The following BOC variants were observed in gnomAD, a reference collection of about 807,000 sequenced individuals.
BOC encodes BOC cell adhesion associated, oncogene regulated, also known as brother of CDO.
A neutral mutation model predicts 112.0 loss-of-function variants in BOC; 76 were observed. The ratio of observed to expected loss-of-function variants is 0.68; its 90% CI spans 0.56 to 0.82. The LOEUF (loss-of-function observed/expected upper bound fraction) is 0.82, where lower values mean the gene tolerates loss of function less well. Ranked by LOEUF, BOC falls within the 40% of genes least tolerant of loss-of-function variation. The pLI is 0.00. For missense variants in BOC, 1,309 were observed against 1,511.7 expected, an observed-to-expected ratio of 0.87 and a Z score of 2.22; for synonymous variants, 580 against 599.8, an observed-to-expected ratio of 0.97 and a Z score of 0.48.
At chr3:113,273,455 T>A in intron 8 of BOC, 114 bp downstream of exon 8, 1 of 1,197,274 alleles carries the variant, frequency 8.4e-7, no homozygotes, top group South Asian at 2.0e-5. Context: ...AGCTTTTAGT[T>A]GTAAGCTCAA....
At chr3:113,280,791 C>T in intron 14 of BOC, 128 bp downstream of exon 14, 8 of 884,142 alleles carry the variant, frequency 9.0e-6, no homozygotes, top group Middle Eastern at 2.2e-4. Context: ...GCTCTAAGCT[C>T]CGTGTCATTG....
chr3:113,244,142 A>G (rs967760163), intron 2 of BOC, among the ~76,000 whole-genome samples: 2 of 152,218 alleles, frequency 1.3e-5, no homozygotes, highest in Non-Finnish European at 2.9e-5. Flanking sequence ...ACTGCAGAGG[A>G]GGCTAGGAAA....
At chr3:113,250,901 C>T in intron 4 of BOC, 68 bp downstream of exon 4, 1 of 1,573,136 alleles carries the variant, frequency 6.4e-7, no homozygotes, top group Non-Finnish European at 8.6e-7. Flanking sequence ...CTGAAGCCCC[C>T]ACCATTCATG....
chr3:113,283,337 AT>A (rs5851891), intron 15 of BOC, 73 bp from the exon 16 acceptor site: 174 of 1,396,242 alleles, frequency 1.2e-4, no homozygotes, highest in East Asian at 2.3e-4. Context: ...GAATGGGGGT[AT>A]TTTTTTTTCT....
intron 2 of BOC, among the ~76,000 whole-genome samples, chr3:113,221,897 C>T (rs537229928): frequency 5.9e-5 from 9 of 152,338 alleles, no homozygotes; most frequent in African/African-American, 2.2e-4. Context: ...CCTACTCCCA[C>T]AGCCATGTTA....
intron 2 of BOC, among the ~76,000 whole-genome samples, chr3:113,242,516 T>A (rs917080797): frequency 3.3e-5 from 5 of 151,980 alleles, no homozygotes; most frequent in Admixed American, 3.3e-4. Flanking sequence ...AGAGGTGGCT[T>A]CTCCTCGGAG....
In BOC at chr3:113,278,840, C is replaced by A. The variant is rs1948914567; in HGVS notation, c.1816+57C>A. ...GTCAGGACTGGAACTGCCTCAGAGG[C>A]CTGTTCCCATGGCTGAATGGGGTCT... On this transcript the variant is annotated intron_variant, in intron 11 of 19. Coordinates refer to ENST00000682979, the MANE Select transcript of BOC (RefSeq NM_001378074.1). The surrounding 1 kb of genome is among the most constrained non-coding windows in gnomAD (Gnocchi z 4.2). 6.9e-7 allele frequency: 1 copy of A among 1,448,182 alleles called. No individual in the cohort carries two copies. Among genetic ancestry groups the A allele is most frequent in the Non-Finnish European group, 9.5e-7 (1 of 1,055,346 alleles). 89.7% of individuals were successfully genotyped at this position (1,448,182 alleles called of 1,614,324 possible). A position where few individuals can be genotyped will look rare whatever the true frequency, so the allele number is the denominator to read the frequency against.
rs770791552 is a variant in BOC at position 113,273,076 on chromosome 3, TGAGGTCACCATG to T, written c.973_984del (p.Val325_Glu328del). On this transcript the variant is annotated inframe_deletion, in exon 8 of 20. Coordinates refer to ENST00000682979, the MANE Select transcript of BOC (RefSeq NM_001378074.1). ...GCTCTGGTTTCCTGGCAGAACCCCC[TGAGGTCACCATG>T]GAGCTATCCCAGCTGGTCATCCCCT... 1.1e-5 allele frequency: 17 copies of T among 1,599,436 alleles called. No individual in the cohort carries two copies. Among genetic ancestry groups the T allele is most frequent in the Non-Finnish European group, 1.4e-5 (16 of 1,168,142 alleles).
chr3:113,283,111 C>T (rs534145339), intron 15 of BOC, among the ~76,000 whole-genome samples: 51 of 152,280 alleles, frequency 3.3e-4, no homozygotes, highest in African/African-American at 1.0e-3. Context: ...CCAGTTCTTC[C>T]CAAAAGCACT....
intron 7 of BOC, 131 bp from the exon 8 acceptor site, chr3:113,272,938 C>A: frequency 8.1e-7 from 1 of 1,235,236 alleles, no homozygotes; most frequent in South Asian, 1.5e-5. Flanking sequence ...CTCCTTCCCT[C>A]TACTCTGCCC....
At chr3:113,265,593 A>T (rs1947389588) in intron 4 of BOC, among the ~76,000 whole-genome samples, 1 of 152,224 alleles carries the variant, frequency 6.6e-6, no homozygotes, top group African/African-American at 2.4e-5. Context: ...GCTTTCAGAA[A>T]ACAAAGTTAC....
At position 113,286,896 on chromosome 3, in the gene BOC, GT is replaced by G. The variant is rs146459508; in HGVS notation, c.*44del. 1.0e-3 allele frequency: 1,346 copies of G among 1,287,510 alleles called. No homozygotes were observed. The highest frequency in any genetic ancestry group is 1.4e-3 in the Middle Eastern group (6 of 4,188). The allele number at this position is 1,287,510 out of a possible 1,614,324, so 79.8% of individuals were successfully genotyped here. A position where few individuals can be genotyped will look rare whatever the true frequency, so the allele number is the denominator to read the frequency against. On this transcript the variant is annotated 3_prime_UTR_variant, in exon 20 of 20. Transcript: ENST00000682979. ...TGATATCCCAGAAAGACTATATATTGTTTTTTTTTTAAAAAAAAAAAGAAGA... is the reference window on the plus strand; with the variant it reads ...TGATATCCCAGAAAGACTATATATTGTTTTTTTTTAAAAAAAAAAAGAAGA...
At chr3:113,233,528 G>C (rs2107729989) in intron 2 of BOC, among the ~76,000 whole-genome samples, 1 of 152,260 alleles carries the variant, frequency 6.6e-6, no homozygotes, top group South Asian at 2.1e-4. Context: ...CTCCTCGCTA[G>C]TCTATGTGAC....
chr3:113,211,669 C>G lies in BOC; in HGVS notation c.-517C>G, dbSNP rs1483842543. 6.6e-6 allele frequency: 1 copy of G among 152,278 alleles called. No individual in the cohort carries two copies. The highest frequency in any genetic ancestry group is 1.5e-5 in the Non-Finnish European group (1 of 68,156). 9.4% of individuals were successfully genotyped at this position (152,278 alleles called of 1,614,324 possible). The stretch of plus-strand genomic sequence containing the variant: ...GGCCGCCGCTTTCTGCCGCGGGGAC[C>G]CTGAGCCCCGGCCCGCCGGTGTCAG... On this transcript the variant is annotated 5_prime_UTR_variant, in exon 1 of 20. Coordinates refer to ENST00000682979, the MANE Select transcript of BOC (RefSeq NM_001378074.1).
rs566714191 is a variant in BOC, at chr3:113,218,032, C to A, written c.-82+1758C>A. 2.6e-5 allele frequency among the ~76,000 whole-genome samples: 4 copies of A among 152,276 alleles called. No individual in the cohort carries two copies. In the East Asian group the frequency reaches 7.7e-4, roughly 29 times the overall value. Reference sequence around the variant, plus strand: ...TGGCTCTGAAATCATTCCCACAGTACCAAGTGAGGAGACATTTATTTTAAG... The same window carrying A: ...TGGCTCTGAAATCATTCCCACAGTAACAAGTGAGGAGACATTTATTTTAAG... On this transcript the variant is annotated intron_variant, in intron 2 of 19. Coordinates refer to ENST00000682979, the MANE Select transcript of BOC (RefSeq NM_001378074.1).
intron 2 of BOC, among the ~76,000 whole-genome samples, chr3:113,227,267 A>C (rs1256439135): frequency 1.3e-5 from 2 of 152,240 alleles, no homozygotes; most frequent in Non-Finnish European, 2.9e-5. Flanking sequence ...CATAAGCCCA[A>C]GCTGGCTTCC....
intron 4 of BOC, among the ~76,000 whole-genome samples, chr3:113,264,342 T>C (rs1242504200): frequency 6.6e-6 from 1 of 152,226 alleles, no homozygotes; most frequent in Non-Finnish European, 1.5e-5. Flanking sequence ...AAAACATTCC[T>C]CTAATGGATT....
chr3:113,229,038 A>G (rs1942153903), intron 2 of BOC, among the ~76,000 whole-genome samples: 1 of 152,206 alleles, frequency 6.6e-6, no homozygotes, highest in Non-Finnish European at 1.5e-5. Context: ...TAGTCTGGGT[A>G]TATGTTGGGC....
rs1948492088 is a variant in BOC at position 113,274,776 on chromosome 3, T to C, written c.1542+94T>C. The stretch of plus-strand genomic sequence containing the variant: ...GTCTCTTGGCCATCTCCCCTTGAGC[T>C]CCTGAAGCCTGAGCCGGTAATCCCC... On this transcript the variant is annotated intron_variant, in intron 9 of 19. Coordinates refer to ENST00000682979, the MANE Select transcript of BOC (RefSeq NM_001378074.1). This position sits in a 1 kb window ranked among gnomAD's most constrained non-coding sequence, Gnocchi z 4.8. The C allele has an allele frequency of 1.5e-6, 2 of 1,314,454 alleles. No individual in the cohort carries two copies. Among genetic ancestry groups the C allele is most frequent in the South Asian group, 1.5e-5 (1 of 64,890 alleles). The allele number at this position is 1,314,454 out of a possible 1,614,324, so 81.4% of individuals were successfully genotyped here.
Sources: allele counts gnomAD v4.1 joint callset (sites outside exome capture counted in the v4.1 genomes callset), GRCh38; gene constraint gnomAD v4.1.1; non-coding constraint Gnocchi (gnomAD v3.1); transcripts MANE v1.5; gene names NCBI Gene and HGNC (gene_info 2026-07-23, HGNC 2026-07-21).